ZCCHC7: variants seen among roughly 807,000 people sequenced by gnomAD.
The protein encoded by ZCCHC7 is zinc finger CCHC domain-containing protein 7.
In ZCCHC7, 35 loss-of-function variants were observed where a neutral mutation model predicts 52.0. The ratio of observed to expected loss-of-function variants is 0.67; its 90% CI spans 0.51 to 0.89. The LOEUF is 0.89. ZCCHC7 is among the 40% of genes least tolerant of loss of function. The probability of loss-of-function intolerance (pLI) is 0.00; values close to 1 mark genes in which losing one functional copy is unlikely to be tolerated. For synonymous variants in ZCCHC7, 217 were observed against 221.5 expected, an observed-to-expected ratio of 0.98 and a Z score of 0.18; for missense variants, 574 against 649.1, an observed-to-expected ratio of 0.88 and a Z score of 1.26.
At chr9:37,277,150 G>A (rs914346403) in intron 2 of ZCCHC7, among the ~76,000 whole-genome samples, 1 of 152,116 alleles carries the variant, frequency 6.6e-6, no homozygotes, top group African/African-American at 2.4e-5. Context: ...GGAAGATTTT[G>A]TAAAAAAGAT....
Position 37,124,291 on chromosome 9 carries a change from A to G in ZCCHC7, c.-21-2021A>G, listed in dbSNP as rs149129505. Among the ~76,000 whole-genome samples the G allele has an allele frequency of 3.3e-5, 5 of 152,000 alleles. No homozygotes were observed. The East Asian group carries it at 9.6e-4, about 29-fold the overall frequency. ...TACCTAATGGAAACATCTACTGTGT[A>G]GAGTTTTGGTTGCTGATGCTAGAAT... is the stretch of plus-strand genomic sequence containing the variant. On this transcript the variant is annotated intron_variant, in intron 1 of 8. Coordinates refer to ENST00000336755, the MANE Select transcript of ZCCHC7 (RefSeq NM_032226.3).
intron 2 of ZCCHC7, among the ~76,000 whole-genome samples, chr9:37,139,630 T>C (rs1467451772): frequency 6.6e-6 from 1 of 152,018 alleles, no homozygotes; most frequent in Non-Finnish European, 1.5e-5. Context: ...GCATCTGTTC[T>C]TAATCTCGTG....
At chr9:37,218,878 C>T (rs1177623863) in intron 2 of ZCCHC7, among the ~76,000 whole-genome samples, 9 of 151,002 alleles carry the variant, frequency 6.0e-5, no homozygotes, top group Admixed American at 4.6e-4. Flanking sequence ...GAGAGGGGAA[C>T]GTCTAGTGGG....
intron 2 of ZCCHC7, among the ~76,000 whole-genome samples, chr9:37,200,164 A>G (rs1025833569): frequency 6.6e-6 from 1 of 151,340 alleles, no homozygotes; most frequent in African/African-American, 2.4e-5. Context: ...TTGTTTTTCT[A>G]ATTTCCTCTC....
upstream of ZCCHC7, among the ~76,000 whole-genome samples, chr9:37,120,182 C>T (rs757593012): frequency 6.6e-6 from 1 of 152,184 alleles, no homozygotes; most frequent in African/African-American, 2.4e-5. Flanking sequence ...CCACCGAGCG[C>T]CAGGGAGAAG....
intron 2 of ZCCHC7, among the ~76,000 whole-genome samples, chr9:37,132,377 T>C (rs536092225): frequency 2.0e-5 from 3 of 152,350 alleles, no homozygotes; most frequent in East Asian, 3.9e-4. Context: ...TATAAAAATA[T>C]ACAAAAATAA....
chr9:37,227,930 G>A (rs1353079087), intron 2 of ZCCHC7, among the ~76,000 whole-genome samples: 3 of 151,914 alleles, frequency 2.0e-5, no homozygotes, highest in African/African-American at 4.8e-5. Context: ...TGAGTATCTG[G>A]GATTACTGGT....
intron 2 of ZCCHC7, among the ~76,000 whole-genome samples, chr9:37,276,940 G>A (rs185939619): frequency 6.6e-6 from 1 of 152,090 alleles, no homozygotes; most frequent in African/African-American, 2.4e-5. Flanking sequence ...AGAAAACAAG[G>A]TTTATTAAAT....
chr9:37,308,316 A>T (rs1432061843), intron 5 of ZCCHC7, among the ~76,000 whole-genome samples: 2 of 151,512 alleles, frequency 1.3e-5, no homozygotes, highest in Admixed American at 6.6e-5. Context: ...AAGATTTTCT[A>T]GTTTGGCAGT....
At chr9:37,259,660 C>G (rs1303453911) in intron 2 of ZCCHC7, among the ~76,000 whole-genome samples, 1 of 152,146 alleles carries the variant, frequency 6.6e-6, no homozygotes, top group African/African-American at 2.4e-5. Flanking sequence ...AAAGCTTTAA[C>G]TCTACAAATC....
chr9:37,223,998 A>C (rs562152397), intron 2 of ZCCHC7, among the ~76,000 whole-genome samples: 1 of 152,124 alleles, frequency 6.6e-6, no homozygotes, highest in African/African-American at 2.4e-5. Context: ...AGGTTTATCA[A>C]ATGCTTGTTT....
intron 2 of ZCCHC7, among the ~76,000 whole-genome samples, chr9:37,150,969 T>G (rs1054678669): frequency 1.1e-4 from 16 of 145,296 alleles, no homozygotes; most frequent in Non-Finnish European, 2.1e-4. Context: ...TTTTTTTGTT[T>G]TTTTTTTTTT....
chr9:37,274,829 TG>T (rs1224477534), intron 2 of ZCCHC7, among the ~76,000 whole-genome samples: 4 of 152,268 alleles, frequency 2.6e-5, no homozygotes, highest in Admixed American at 6.5e-5. Context: ...TAATCTACTT[TG>T]TTTTTTTTTT....
At chr9:37,233,792 AC>A (rs1182910014) in intron 2 of ZCCHC7, among the ~76,000 whole-genome samples, 3 of 152,220 alleles carry the variant, frequency 2.0e-5, no homozygotes, top group Non-Finnish European at 2.9e-5. Context: ...AGAAACCCAA[AC>A]CAAAGGAAAG....
At chr9:37,183,232 C>T (rs1040166880) in intron 2 of ZCCHC7, among the ~76,000 whole-genome samples, 4 of 152,122 alleles carry the variant, frequency 2.6e-5, no homozygotes, top group Admixed American at 2.6e-4. Flanking sequence ...TAATACATAA[C>T]AGTACATTGT....
chr9:37,355,212 A>C (rs1218165357), intron 8 of ZCCHC7, among the ~76,000 whole-genome samples: 1 of 152,058 alleles, frequency 6.6e-6, no homozygotes, highest in Admixed American at 6.6e-5. Flanking sequence ...TTATTCCTGG[A>C]GCTTCCCTGA....
chr9:37,302,135 C>A, intron 2 of ZCCHC7, 53 bp from the exon 3 acceptor site: 1 of 1,425,630 alleles, frequency 7.0e-7, no homozygotes, highest in Non-Finnish European at 9.9e-7. Flanking sequence ...TATTGTCAAT[C>A]TATAAGTCCT....
At chr9:37,168,331 T>C (rs1821540982) in intron 2 of ZCCHC7, among the ~76,000 whole-genome samples, 1 of 152,222 alleles carries the variant, frequency 6.6e-6, no homozygotes, top group Non-Finnish European at 1.5e-5. Context: ...TGTTAATTTA[T>C]CTGAGTTGGA....
chr9:37,336,394 C>T (rs1830661230), intron 6 of ZCCHC7, among the ~76,000 whole-genome samples: 1 of 152,136 alleles, frequency 6.6e-6, no homozygotes, highest in Admixed American at 6.5e-5. Context: ...AGCAAAAGAA[C>T]ATTACTTCCC....
Sources: gnomAD v4.1 joint callset for allele counts (sites outside exome capture counted in the v4.1 genomes callset) on GRCh38, gnomAD v4.1.1 for gene constraint, MANE v1.5 for transcripts, NCBI Gene and HGNC (gene_info 2026-07-23, HGNC 2026-07-21) for gene names.